RASGRF2: variants seen among roughly 807,000 people sequenced by gnomAD.
RASGRF2 encodes ras-specific guanine nucleotide-releasing factor 2.
Under a neutral mutation model 151.0 loss-of-function variants are expected in RASGRF2, and 76 were observed. The observed-to-expected ratio is 0.50, with a 90% CI of 0.42 to 0.61. The LOEUF (loss-of-function observed/expected upper bound fraction) is 0.61. Among genes scored for constraint, RASGRF2 ranks in the 20% least tolerant of loss-of-function variants. The pLI is 0.00. For synonymous variants in RASGRF2, 504 were observed against 566.5 expected (o/e 0.89, Z 1.57); for missense variants, 1,148 against 1,564.6 (o/e 0.73, Z 4.49).
At chr5:81,052,910 G>A (rs1485456275) in intron 2 of RASGRF2, among the ~76,000 whole-genome samples, 1 of 152,064 alleles carries the variant, frequency 6.6e-6, no homozygotes, top group Non-Finnish European at 1.5e-5. Context: ...CTGGAGATAG[G>A]TGGAGTTTTT....
At chr5:81,100,033 G>A (rs1340154375) in intron 12 of RASGRF2, among the ~76,000 whole-genome samples, 3 of 150,048 alleles carry the variant, frequency 2.0e-5, no homozygotes, top group Admixed American at 6.7e-5. Flanking sequence ...TCAGCCTCCC[G>A]AGTAGCTGGC....
At chr5:81,070,732 A>G (rs904315360) in intron 4 of RASGRF2, 151 bp downstream of exon 4, 5 of 625,680 alleles carry the variant, frequency 8.0e-6, no homozygotes, top group African/African-American at 1.9e-5. Flanking sequence ...TGATCCAGAC[A>G]TGGCTACTCT....
At chr5:81,146,114 G>T (rs1753998988) in intron 17 of RASGRF2, among the ~76,000 whole-genome samples, 1 of 152,162 alleles carries the variant, frequency 6.6e-6, no homozygotes, top group Non-Finnish European at 1.5e-5. Context: ...TGTATTTCAA[G>T]GTTCCCGAAC....
intron 2 of RASGRF2, among the ~76,000 whole-genome samples, chr5:81,066,934 AG>A (rs1355231635): frequency 6.6e-6 from 1 of 152,228 alleles, no homozygotes; most frequent in African/African-American, 2.4e-5. Flanking sequence ...AAGATTGGGC[AG>A]GTATCTCAAA....
At chr5:80,982,194 T>A (rs970003655) in intron 1 of RASGRF2, among the ~76,000 whole-genome samples, 3 of 152,208 alleles carry the variant, frequency 2.0e-5, no homozygotes, top group Non-Finnish European at 2.9e-5. Context: ...TTTGAGCACT[T>A]GCTGAGTATT....
chr5:81,046,370 C>A (rs530017343), intron 2 of RASGRF2, among the ~76,000 whole-genome samples: 4 of 152,072 alleles, frequency 2.6e-5, no homozygotes, highest in Admixed American at 2.6e-4. Flanking sequence ...ATGTTTTCTC[C>A]TTTAGATCTG....
chr5:81,144,554 G>T (rs1045617500), intron 17 of RASGRF2, among the ~76,000 whole-genome samples: 1 of 152,130 alleles, frequency 6.6e-6, no homozygotes, highest in Non-Finnish European at 1.5e-5. Context: ...TAGAGGTGAA[G>T]CTCCCAAAGC....
intron 1 of RASGRF2, among the ~76,000 whole-genome samples, chr5:80,971,567 A>ATT (rs775200485): frequency 0.16 from 21,031 of 131,130 alleles, 1,794 homozygotes; most frequent in East Asian, 0.37. Flanking sequence ...CACACCTGGT[A>ATT]TTTTTTTTTT....
chr5:81,164,931 T>C (rs766190752), intron 17 of RASGRF2, among the ~76,000 whole-genome samples: 3 of 152,326 alleles, frequency 2.0e-5, no homozygotes, highest in Non-Finnish European at 2.9e-5. Context: ...TTTTCAACAT[T>C]GAGCATTGAG....
chr5:81,169,670 G>T (rs1431559251), intron 17 of RASGRF2, among the ~76,000 whole-genome samples: 3 of 152,192 alleles, frequency 2.0e-5, no homozygotes, highest in African/African-American at 7.2e-5. Flanking sequence ...GTTCTGCATG[G>T]ATGTGGATTT....
At chr5:80,975,738 C>A (rs775483794) in intron 1 of RASGRF2, among the ~76,000 whole-genome samples, 2 of 152,034 alleles carry the variant, frequency 1.3e-5, no homozygotes, top group Non-Finnish European at 2.9e-5. Context: ...CCCATTTATT[C>A]CTTACATAGT....
intron 1 of RASGRF2, among the ~76,000 whole-genome samples, chr5:80,965,644 G>A (rs985417236): frequency 1.3e-5 from 2 of 152,062 alleles, no homozygotes; most frequent in Non-Finnish European, 2.9e-5. Context: ...GCGCATTGTC[G>A]AGGGGTAGAA....
intron 1 of RASGRF2, among the ~76,000 whole-genome samples, chr5:81,012,687 T>C (rs1053133068): frequency 6.6e-6 from 1 of 152,100 alleles, no homozygotes; most frequent in African/African-American, 2.4e-5. Flanking sequence ...GACGCAGTTT[T>C]TACTATTCAC....
chr5:81,032,593 A>T (rs946056008), intron 1 of RASGRF2, among the ~76,000 whole-genome samples: 1 of 152,226 alleles, frequency 6.6e-6, no homozygotes. Flanking sequence ...ACAAAATTCA[A>T]CAGCTCTTCA....
chr5:80,998,423 TTGAAAGACAAAAGCCGAAAATAGGTTTTG>T (rs905675854), intron 1 of RASGRF2, among the ~76,000 whole-genome samples: 8 of 152,202 alleles, frequency 5.3e-5, no homozygotes, highest in African/African-American at 1.9e-4. Flanking sequence ...AGGTTGATTC[TTGAAAGACAAAAGCCGAAAATAGGTTTTG>T]TTGCAGCATA....
At chr5:81,156,899 A>T (rs917907134) in intron 17 of RASGRF2, among the ~76,000 whole-genome samples, 1 of 152,238 alleles carries the variant, frequency 6.6e-6, no homozygotes, top group Non-Finnish European at 1.5e-5. Flanking sequence ...CATAGATGAC[A>T]TGAAGCAGTT....
At chr5:81,174,897 T>G (rs951499593) in intron 17 of RASGRF2, among the ~76,000 whole-genome samples, 8 of 152,314 alleles carry the variant, frequency 5.3e-5, no homozygotes, top group Non-Finnish European at 8.8e-5. Context: ...AGAAGAGAGA[T>G]AGAATTAAAA....
intron 2 of RASGRF2, among the ~76,000 whole-genome samples, chr5:81,061,679 ATTTCCTTCCTTC>A (rs1377984513): frequency 2.0e-5 from 3 of 149,968 alleles, no homozygotes; most frequent in Non-Finnish European, 3.0e-5. Context: ...CAGCTAATTT[ATTTCCTTCCTTC>A]TTTCCTTCCT....
At chr5:81,034,812 G>A (rs555681397) in intron 1 of RASGRF2, among the ~76,000 whole-genome samples, 1 of 131,114 alleles carries the variant, frequency 7.6e-6, no homozygotes, top group Non-Finnish European at 1.6e-5. Context: ...GGTGGGAGGG[G>A]GGTAGGGATA....
Sources: allele counts gnomAD v4.1 joint callset (sites outside exome capture counted in the v4.1 genomes callset), GRCh38; gene constraint gnomAD v4.1.1; transcripts MANE v1.5; gene names NCBI Gene and HGNC (gene_info 2026-07-23, HGNC 2026-07-21).